GRB10: variants seen among roughly 807,000 people sequenced by gnomAD.
GRB10 encodes growth factor receptor bound protein 10, also known as growth factor receptor-bound protein 10.
Under a neutral mutation model 80.9 loss-of-function variants are expected in GRB10, and 20 were observed. That is an observed-to-expected ratio of 0.25 (90% CI 0.17 to 0.36). The LOEUF (loss-of-function observed/expected upper bound fraction) is 0.36, where lower values mean the gene tolerates loss of function less well. Among genes scored for constraint, GRB10 ranks in the 10% least tolerant of loss-of-function variants. The pLI is 1.00. For missense variants in GRB10, 548 were observed against 747.7 expected (o/e 0.73, Z 3.12); for synonymous variants, 291 against 291.5 (o/e 1.00, Z 0.02).
chr7:50,634,308 G>A (rs1296135102), intron 7 of GRB10, among the ~76,000 whole-genome samples: 3 of 152,124 alleles, frequency 2.0e-5, no homozygotes, highest in Non-Finnish European at 4.4e-5. Context: ...CAAAAATGAA[G>A]GAGAAATAAA....
intron 7 of GRB10, among the ~76,000 whole-genome samples, chr7:50,636,439 C>T (rs574851743): frequency 5.9e-5 from 9 of 152,296 alleles, no homozygotes; most frequent in African/African-American, 1.9e-4. Context: ...AAGGATACTG[C>T]AGGCCAATAT....
At chr7:50,706,566 T>C (rs73697062) in intron 4 of GRB10, among the ~76,000 whole-genome samples, 1,865 of 152,370 alleles carry the variant, frequency 0.012, 39 homozygotes, top group African/African-American at 0.042. Flanking sequence ...TTTATTTTTC[T>C]GGAATTTTTT....
intron 2 of GRB10, among the ~76,000 whole-genome samples, chr7:50,770,508 G>A (rs2076882879): frequency 1.3e-5 from 2 of 152,170 alleles, no homozygotes; most frequent in African/African-American, 4.8e-5. Flanking sequence ...CTCTCACATG[G>A]TACCCTGGTA....
chr7:50,762,288 C>A (rs1296522457), intron 2 of GRB10, among the ~76,000 whole-genome samples: 1 of 150,550 alleles, frequency 6.6e-6, no homozygotes, highest in Non-Finnish European at 1.5e-5. Flanking sequence ...CAGAAGCAAC[C>A]AAAACAACAC....
chr7:50,645,732 A>T (rs2057077071), intron 7 of GRB10: 1 of 528,054 alleles, frequency 1.9e-6, no homozygotes, highest in Non-Finnish European at 2.4e-6. Flanking sequence ...CATCGTCTAG[A>T]GTTTCTTGAA....
Position 50,604,100 on chromosome 7 carries a change from CA to C in GRB10, c.1457-16del, listed in dbSNP as rs1563123472. 1 of 1,606,166 alleles carries C rather than the reference CA, an allele frequency of 6.2e-7. No individual in the cohort carries two copies. Among genetic ancestry groups the C allele is most frequent in the South Asian group, 1.1e-5 (1 of 90,902 alleles). ...CCTGTGAATCACTGTGGGGGGAAGA[CA>C]GGAGGAGGGTAGGATGGTGGTGCCT... On this transcript the variant is annotated splice_polypyrimidine_tract_variant and intron_variant, in intron 16 of 18. Transcript: ENST00000401949.
chr7:50,761,743 C>G (rs544947233), intron 2 of GRB10: 1 of 152,162 alleles, frequency 6.6e-6, no homozygotes, highest in African/African-American at 2.4e-5. Context: ...CAAATTGTAA[C>G]CCCCAGTGTT....
chr7:50,626,889 A>C lies in GRB10; in HGVS notation c.594T>G (p.Val198=). 1 of 1,614,106 alleles carries C rather than the reference A, an allele frequency of 6.2e-7. No individual in the cohort carries two copies. The highest frequency in any genetic ancestry group is 1.6e-4 in the Middle Eastern group (1 of 6,062). ...TGTCATCCACACAGTGACTTTTGTA[A>C]ACCAGCAATTGGCACAGGTCTCTGG... ...MTARDLCQLL[V]YKSHCVDDNS... Residue 198 remains valine (V), a synonymous_variant, in exon 8 of 19, where the codon GTT becomes GTG. Transcript: ENST00000401949.
chr7:50,681,101 G>A (rs917803054), intron 5 of GRB10, among the ~76,000 whole-genome samples: 11 of 152,172 alleles, frequency 7.2e-5, no homozygotes, highest in South Asian at 2.1e-4. Flanking sequence ...GCACTACCCC[G>A]CCCTTTGAGT....
At chr7:50,732,729 C>T (rs984302949) in intron 3 of GRB10, among the ~76,000 whole-genome samples, 1 of 152,170 alleles carries the variant, frequency 6.6e-6, no homozygotes, top group Non-Finnish European at 1.5e-5. Context: ...ATCAAGCTTT[C>T]GCAAATAGGG....
At chr7:50,774,464 G>C (rs1265475655) in intron 2 of GRB10, among the ~76,000 whole-genome samples, 2 of 152,216 alleles carry the variant, frequency 1.3e-5, no homozygotes, top group Non-Finnish European at 2.9e-5. Context: ...CTTGGTGTCT[G>C]GTGAGGGCCT....
At chr7:50,633,912 G>A (rs1235907092) in intron 7 of GRB10, among the ~76,000 whole-genome samples, 2 of 152,064 alleles carry the variant, frequency 1.3e-5, no homozygotes, top group Non-Finnish European at 2.9e-5. Flanking sequence ...TTAAACCTAG[G>A]ACTTATAGGT....
chr7:50,785,077 A>C (rs958879716), upstream of GRB10, among the ~76,000 whole-genome samples: 1 of 152,208 alleles, frequency 6.6e-6, no homozygotes, highest in Non-Finnish European at 1.5e-5. Flanking sequence ...GCTAGCTGCC[A>C]TATGAATCCC....
chr7:50,628,035 G>A (rs1000008978), intron 7 of GRB10, among the ~76,000 whole-genome samples: 7 of 152,108 alleles, frequency 4.6e-5, no homozygotes, highest in African/African-American at 1.4e-4. Context: ...ACTCCCATAC[G>A]ACAAGACCCG....
At chr7:50,673,105 A>G (rs937022270) in intron 6 of GRB10, among the ~76,000 whole-genome samples, 3 of 152,158 alleles carry the variant, frequency 2.0e-5, no homozygotes, top group African/African-American at 7.2e-5. Context: ...TCAGACCACA[A>G]AGAAAACTCT....
chr7:50,713,842 T>A (rs73122790), intron 4 of GRB10, among the ~76,000 whole-genome samples: 10,949 of 150,304 alleles, frequency 0.073, 628 homozygotes, highest in South Asian at 0.12. Flanking sequence ...CTCCACCTCG[T>A]CCACTTCCTC....
intron 3 of GRB10, among the ~76,000 whole-genome samples, chr7:50,751,268 C>T (rs928068858): frequency 6.6e-6 from 1 of 152,202 alleles, no homozygotes; most frequent in African/African-American, 2.4e-5. Flanking sequence ...AAGGACACTG[C>T]TTTCCTAGAA....
intron 4 of GRB10, among the ~76,000 whole-genome samples, chr7:50,721,115 G>A (rs1004451610): frequency 6.6e-6 from 1 of 152,218 alleles, no homozygotes; most frequent in African/African-American, 2.4e-5. Flanking sequence ...ACCCAAACAC[G>A]AAACTATTTT....
At chr7:50,755,116 C>T (rs562700121) in intron 3 of GRB10, among the ~76,000 whole-genome samples, 2 of 152,210 alleles carry the variant, frequency 1.3e-5, no homozygotes, top group Non-Finnish European at 2.9e-5. Flanking sequence ...AGCCAGTCTG[C>T]GGGATACTGC....
Sources: allele counts gnomAD v4.1 joint callset (sites outside exome capture counted in the v4.1 genomes callset), GRCh38; gene constraint gnomAD v4.1.1; transcripts MANE v1.5; gene names NCBI Gene and HGNC (gene_info 2026-07-23, HGNC 2026-07-21).